The following CCDC148 variants were observed in gnomAD, a reference collection of about 807,000 sequenced individuals.
The protein encoded by CCDC148 is coiled-coil domain containing 148.
CCDC148 carries 89 observed loss-of-function variants against 85.7 expected under a neutral mutation model. That is an observed-to-expected ratio of 1.04 (90% CI 0.87 to 1.24). The LOEUF is 1.24. Ranked by LOEUF, CCDC148 falls within the 50% of genes most tolerant of loss-of-function variation. The pLI is 0.00. For synonymous variants in CCDC148, 230 were observed against 213.9 expected (o/e 1.08, Z -0.66); for missense variants, 692 against 671.7 (o/e 1.03, Z -0.33).
chr2:158,368,719 A>C (rs1348333319), intron 1 of CCDC148, among the ~76,000 whole-genome samples: 2 of 152,082 alleles, frequency 1.3e-5, no homozygotes, highest in Non-Finnish European at 2.9e-5. Flanking sequence ...GAGGGTTGAA[A>C]AACATTTTAG....
At chr2:158,217,397 C>T (rs916702584) in intron 11 of CCDC148, among the ~76,000 whole-genome samples, 18 of 123,990 alleles carry the variant, frequency 1.5e-4, no homozygotes, top group African/African-American at 2.6e-4. Context: ...TATATATACA[C>T]ACACACATAC....
At chr2:158,373,127 A>T (rs537570485) in intron 1 of CCDC148, among the ~76,000 whole-genome samples, 1 of 152,168 alleles carries the variant, frequency 6.6e-6, no homozygotes, top group South Asian at 2.1e-4. Context: ...GAAGGTCAGA[A>T]TCAGAGATGT....
chr2:158,419,641 A>C (rs928470887), intron 1 of CCDC148, among the ~76,000 whole-genome samples: 10 of 152,150 alleles, frequency 6.6e-5, no homozygotes, highest in Admixed American at 1.3e-4. Flanking sequence ...AGAGCTAGGA[A>C]CATATGAGAT....
intron 1 of CCDC148, among the ~76,000 whole-genome samples, chr2:158,408,616 C>T (rs1244783658): frequency 6.6e-6 from 1 of 152,064 alleles, no homozygotes; most frequent in Non-Finnish European, 1.5e-5. Flanking sequence ...TACACAGACA[C>T]ACATATATAT....
chr2:158,237,060 G>A (rs1006132302), intron 10 of CCDC148, among the ~76,000 whole-genome samples: 4 of 152,134 alleles, frequency 2.6e-5, no homozygotes, highest in African/African-American at 9.7e-5. Flanking sequence ...ATGCTGTGCA[G>A]GAGTGAGTCA....
At chr2:158,255,240 G>A (rs1688964532) in intron 9 of CCDC148, among the ~76,000 whole-genome samples, 2 of 151,320 alleles carry the variant, frequency 1.3e-5, no homozygotes, top group African/African-American at 4.8e-5. Context: ...GGGACCCGTA[G>A]AATTTTACCT....
intron 1 of CCDC148, among the ~76,000 whole-genome samples, chr2:158,437,830 A>G (rs1687735684): frequency 6.6e-6 from 1 of 152,234 alleles, no homozygotes; most frequent in Admixed American, 6.5e-5. Flanking sequence ...CTTATGTACC[A>G]ATAACAGACA....
At chr2:158,267,377 A>G (rs1574508527) in intron 9 of CCDC148, among the ~76,000 whole-genome samples, 1 of 152,204 alleles carries the variant, frequency 6.6e-6, no homozygotes, top group African/African-American at 2.4e-5. Context: ...CCAGGACGAG[A>G]CAAGGCAATC....
intron 1 of CCDC148, among the ~76,000 whole-genome samples, chr2:158,407,813 C>A (rs1302152881): frequency 6.6e-6 from 1 of 152,092 alleles, no homozygotes; most frequent in Non-Finnish European, 1.5e-5. Flanking sequence ...GGGGAGAGAT[C>A]ATGCAGATTT....
At chr2:158,348,013 T>C (rs1683079783) in intron 2 of CCDC148, among the ~76,000 whole-genome samples, 1 of 152,090 alleles carries the variant, frequency 6.6e-6, no homozygotes, top group Non-Finnish European at 1.5e-5. Flanking sequence ...TTCTGTCTAA[T>C]ATTGCTAGTG....
chr2:158,318,339 C>A (rs988379330), intron 7 of CCDC148, among the ~76,000 whole-genome samples: 4 of 152,026 alleles, frequency 2.6e-5, no homozygotes, highest in Admixed American at 2.6e-4. Context: ...AGGTGACAAC[C>A]AGAATAAAGT....
chr2:158,215,207 T>C (rs150251060), intron 11 of CCDC148, among the ~76,000 whole-genome samples: 3 of 152,326 alleles, frequency 2.0e-5, no homozygotes, highest in East Asian at 1.9e-4. Context: ...GTTGAGATAG[T>C]TGGCTATCAA....
chr2:158,296,168 CCCCCAAGTTGTCTT>C (rs1184049623), intron 9 of CCDC148, among the ~76,000 whole-genome samples: 1 of 152,142 alleles, frequency 6.6e-6, no homozygotes, highest in African/African-American at 2.4e-5. Context: ...CATAAAAATT[CCCCCAAGTTGTCTT>C]CCCCATGTTT....
chr2:158,278,027 T>C (rs1293773852), intron 9 of CCDC148, among the ~76,000 whole-genome samples: 6 of 152,206 alleles, frequency 3.9e-5, no homozygotes, highest in African/African-American at 1.4e-4. Flanking sequence ...TTGGTAAACC[T>C]CAGTCATTAG....
intron 1 of CCDC148, chr2:158,425,365 A>G: frequency 2.1e-6 from 1 of 466,550 alleles, no homozygotes; most frequent in Non-Finnish European, 4.2e-6. Flanking sequence ...GCAGGATGAC[A>G]TTGAAGACTG....
rs141019684 is a variant in CCDC148, at chr2:158,214,896, T to C, written c.1370+5699A>G. Reference sequence around the variant, plus strand: ...CCCAGGCTGGAGATTAAATTTGGTATACGTGTCAGCTCTCCTTAATAAAAT... The same window carrying C: ...CCCAGGCTGGAGATTAAATTTGGTACACGTGTCAGCTCTCCTTAATAAAAT... On this transcript the variant is annotated intron_variant, in intron 11 of 13. Coordinates refer to ENST00000283233, the MANE Select transcript of CCDC148 (RefSeq NM_138803.4). Among the ~76,000 whole-genome samples the C allele has an allele frequency of 6.3e-3, 965 of 152,228 alleles. 14 individuals are homozygous for C. The highest frequency in any genetic ancestry group is 0.022 in the African/African-American group (927 of 41,534).
intron 2 of CCDC148, among the ~76,000 whole-genome samples, chr2:158,357,251 C>CAAAAA (rs754084816): frequency 7.3e-6 from 1 of 137,202 alleles, no homozygotes; most frequent in East Asian, 2.2e-4. Context: ...AAAAAGAAGA[C>CAAAAA]AAAAAAAAAT....
intron 1 of CCDC148, among the ~76,000 whole-genome samples, chr2:158,433,074 C>CAA (rs755383954): frequency 3.4e-4 from 25 of 73,996 alleles, no homozygotes; most frequent in African/African-American, 6.1e-4. Context: ...CTCATCTCTA[C>CAA]AAAAAAAAAA....
intron 1 of CCDC148, chr2:158,425,301 T>C (rs1687024227): frequency 3.7e-6 from 2 of 534,734 alleles, no homozygotes; most frequent in Non-Finnish European, 7.5e-6. Flanking sequence ...TCACCAGCCA[T>C]ACTAAAGGAG....
Sources: gnomAD v4.1 joint callset for allele counts (sites outside exome capture counted in the v4.1 genomes callset) on GRCh38, gnomAD v4.1.1 for gene constraint, MANE v1.5 for transcripts, NCBI Gene and HGNC (gene_info 2026-07-23, HGNC 2026-07-21) for gene names.